The following SLIT1 variants were observed in gnomAD, a reference collection of about 807,000 sequenced individuals.
SLIT1 encodes slit homolog 1 protein.
SLIT1 carries 66 observed loss-of-function variants against 186.1 expected under a neutral mutation model. The observed-to-expected ratio is 0.35, with a 90% CI of 0.29 to 0.44. The LOEUF (loss-of-function observed/expected upper bound fraction) is 0.44, where lower values mean the gene tolerates loss of function less well. Among genes scored for constraint, SLIT1 ranks in the 20% least tolerant of loss-of-function variants. SLIT1 has a pLI of 1.00. For synonymous variants in SLIT1, 761 were observed against 833.8 expected, an observed-to-expected ratio of 0.91 and a Z score of 1.50; for missense variants, 1,638 against 2,037.4, an observed-to-expected ratio of 0.80 and a Z score of 3.77.
At position 97,018,847 on chromosome 10, in the gene SLIT1, T is replaced by TCATA. The variant is rs1466486761; in HGVS notation, c.2871+135_2871+136insTATG. 1.1e-5 allele frequency: 7 copies of TCATA among 650,904 alleles called. No homozygotes were observed. In the African/African-American group the frequency reaches 1.3e-4, roughly 12 times the overall value. 40.3% of individuals were successfully genotyped at this position (650,904 alleles called of 1,614,324 possible). Reference sequence around the variant, plus strand: ...TTCATTCATTCATTCATTCATTCATTCATTCATATGTTAAGTCATTAATTA... The same window carrying TCATA: ...TTCATTCATTCATTCATTCATTCATTCATACATTCATATGTTAAGTCATTAATTA... On this transcript the variant is annotated intron_variant, in intron 27 of 36. Coordinates refer to ENST00000266058, the MANE Select transcript of SLIT1 (RefSeq NM_003061.3).
In SLIT1 at chr10:97,079,176, G is replaced by A. The variant is rs7073931; in HGVS notation, c.414-13090C>T. Reference sequence around the variant, plus strand: ...TCACATCTCCCTCTTGCTGAGTTGCGAGGATTAAATACCATATGTACCACT... The same window carrying A: ...TCACATCTCCCTCTTGCTGAGTTGCAAGGATTAAATACCATATGTACCACT... On this transcript the variant is annotated intron_variant, in intron 4 of 36. Transcript: ENST00000266058. 6.0e-3 allele frequency among the ~76,000 whole-genome samples: 913 copies of A among 152,230 alleles called. 11 individuals carry two copies. The highest frequency in any genetic ancestry group is 0.021 in the African/African-American group (865 of 41,518).
chr10:97,047,233 G>A (rs1848742754), intron 16 of SLIT1, among the ~76,000 whole-genome samples, 168 bp from the exon 17 acceptor site: 1 of 152,174 alleles, frequency 6.6e-6, no homozygotes, highest in Admixed American at 6.5e-5. Context: ...ACTGGGAGAG[G>A]ATATGAATGG....
intron 12 of SLIT1, among the ~76,000 whole-genome samples, chr10:97,056,901 T>A (rs1262454813): frequency 6.6e-6 from 1 of 152,198 alleles, no homozygotes; most frequent in Non-Finnish European, 1.5e-5. Context: ...CGAGCTGGCC[T>A]GGGTGTCCCC....
chr10:97,182,242 A>T (rs1850348148), intron 1 of SLIT1, among the ~76,000 whole-genome samples: 1 of 152,140 alleles, frequency 6.6e-6, no homozygotes, highest in Admixed American at 6.5e-5. Context: ...ATTTCTTTCC[A>T]TTTCGGGGGA....
rs370246019 is a variant in SLIT1, at chr10:97,040,050, G to C, written c.2235C>G (p.Val745=). Residue 745 remains valine (V), a synonymous_variant, in exon 21 of 37, where the codon GTC becomes GTG. Transcript: ENST00000266058. ...CCCGCAGGTGCTTGTTGCTGCATCG[G>C]ACCACGGTGTCCAGGCAGGCGCACT... ...PQECACLDTV[V]RCSNKHLRAL... 18 of 1,612,820 alleles carry C rather than the reference G, an allele frequency of 1.1e-5. No individual in the cohort carries two copies. The highest frequency in any genetic ancestry group is 2.7e-5 in the African/African-American group (2 of 74,888).
In SLIT1 at chr10:97,163,453, TGGGGAAGCAAAGAGACAAGGACAGCTACA is replaced by T; in HGVS notation, c.270-31_270-3del. 6.2e-7 allele frequency: 1 copy of T among 1,613,856 alleles called. No homozygotes were observed. The highest frequency in any genetic ancestry group is 8.5e-7 in the Non-Finnish European group (1 of 1,179,726). On this transcript the variant is annotated splice_polypyrimidine_tract_variant and splice_region_variant and intron_variant, in intron 2 of 36. Coordinates refer to ENST00000266058, the MANE Select transcript of SLIT1 (RefSeq NM_003061.3). ...CCAATCTGGTTCTCCATCAGCTGCCTGGGGAAGCAAAGAGACAAGGACAGCTACAGGGTGTGGGACAAGGGCTGCTAGAA... is the reference window on the plus strand; with the variant it reads ...CCAATCTGGTTCTCCATCAGCTGCCTGGGTGTGGGACAAGGGCTGCTAGAA...
At chr10:97,105,166 G>A (rs1005458845) in intron 4 of SLIT1, among the ~76,000 whole-genome samples, 3 of 152,126 alleles carry the variant, frequency 2.0e-5, no homozygotes, top group African/African-American at 7.2e-5. Context: ...TAGAAAGAAG[G>A]GGGGCATGCT....
chr10:97,179,796 A>ACCCCCCCCCCCCCCCCCCCCC (rs1411663173), intron 1 of SLIT1, among the ~76,000 whole-genome samples: 6 of 102,992 alleles, frequency 5.8e-5, no homozygotes, highest in Admixed American at 1.0e-4. Context: ...AATTCTCCAC[A>ACCCCCCCCCCCCCCCCCCCCC]CCCTCCCCGC....
At chr10:97,162,658 T>C (rs892582862) in intron 3 of SLIT1, among the ~76,000 whole-genome samples, 1 of 152,096 alleles carries the variant, frequency 6.6e-6, no homozygotes, top group African/African-American at 2.4e-5. Flanking sequence ...TGATACATGA[T>C]TTTTAGCCAT....
intron 28 of SLIT1, among the ~76,000 whole-genome samples, chr10:97,017,887 TGCTCAGGC>T (rs1242945369): frequency 1.3e-5 from 2 of 151,572 alleles, no homozygotes; most frequent in Non-Finnish European, 2.9e-5. Context: ...TCGCTCTTGT[TGCTCAGGC>T]TGGAGTGCAG....
In SLIT1 at chr10:97,064,190, G is replaced by T; in HGVS notation, c.607C>A (p.His203Asn). ...CACAAGGTCCGTAGCTTGGGCATAT[G>T]GTTGAAGCTGGACACGGGGATGGTG... ...ITTIPVSSFNHMPKLRTFRLH... is the reference protein window; with the variant it reads ...ITTIPVSSFNNMPKLRTFRLH... The change falls in exon 7 of 37, where the codon CAT (histidine) becomes AAT (asparagine). Residue 203 changes from histidine (H) to asparagine (N), a missense_variant. Physicochemically the swap from His to Asn is moderately conservative, Grantham distance 68. Around this residue, in one of 3 missense-constraint regions of SLIT1, gnomAD observed 1,245 missense variants for 1,535.3 expected, o/e 0.81. Coordinates refer to ENST00000266058, the MANE Select transcript of SLIT1 (RefSeq NM_003061.3). 6.2e-7 allele frequency: 1 copy of T among 1,613,704 alleles called. No homozygotes were observed. Among genetic ancestry groups the T allele is most frequent in the African/African-American group, 1.3e-5 (1 of 75,030 alleles).
intron 13 of SLIT1, among the ~76,000 whole-genome samples, chr10:97,050,155 GA>G (rs199870066): frequency 1.3e-5 from 2 of 150,808 alleles, no homozygotes; most frequent in African/African-American, 4.9e-5. Context: ...TCTCGAAAAG[GA>G]AAAAAAAAGA....
chr10:97,037,042 C>A (rs1411743191), intron 22 of SLIT1, among the ~76,000 whole-genome samples: 1 of 147,340 alleles, frequency 6.8e-6, no homozygotes, highest in East Asian at 2.0e-4. Context: ...GCAAGAATAA[C>A]CCCCTTTGTG....
In SLIT1 at chr10:97,013,665, A is replaced by T; in HGVS notation, c.3203+76T>A. ...ACAAATGAGGGAATGAGGGTGGGGCACGGAGCCCAGACTGGAATCCAGTCT... is the reference window on the plus strand; with the variant it reads ...ACAAATGAGGGAATGAGGGTGGGGCTCGGAGCCCAGACTGGAATCCAGTCT... On this transcript the variant is annotated intron_variant, in intron 30 of 36. Transcript: ENST00000266058. The T allele has an allele frequency of 6.7e-6, 7 of 1,046,198 alleles. No individual in the cohort carries two copies. The South Asian group carries it at 9.5e-5, about 14-fold the overall frequency. The allele number at this position is 1,046,198 out of a possible 1,614,324, so 64.8% of individuals were successfully genotyped here. A position where few individuals can be genotyped will look rare whatever the true frequency, so the allele number is the denominator to read the frequency against.
intron 11 of SLIT1, chr10:97,058,092 C>T (rs1029250323): frequency 3.1e-5 from 22 of 716,668 alleles, no homozygotes; most frequent in African/African-American, 1.6e-4. Context: ...GGACAGGTGA[C>T]GGGGCCAGTG....
intron 4 of SLIT1, among the ~76,000 whole-genome samples, chr10:97,097,021 G>A (rs549827213): frequency 6.6e-6 from 1 of 152,124 alleles, no homozygotes; most frequent in South Asian, 2.1e-4. Context: ...TTTTTCTCAG[G>A]GATACTAGGA....
At chr10:97,035,318 T>C (rs1483330800) in intron 22 of SLIT1, among the ~76,000 whole-genome samples, 6 of 152,082 alleles carry the variant, frequency 3.9e-5, no homozygotes, top group Non-Finnish European at 1.5e-5. Flanking sequence ...GTGCTGACAG[T>C]GCCCCCCTCC....
At chr10:97,127,144 A>T (rs1057251759) in intron 4 of SLIT1, among the ~76,000 whole-genome samples, 10 of 151,812 alleles carry the variant, frequency 6.6e-5, no homozygotes, top group Non-Finnish European at 1.3e-4. Flanking sequence ...AAACAAAAAA[A>T]ATTAGCCGGG....
chr10:97,038,259 C>G (rs1848659286), intron 21 of SLIT1, among the ~76,000 whole-genome samples: 1 of 152,188 alleles, frequency 6.6e-6, no homozygotes, highest in Non-Finnish European at 1.5e-5. Flanking sequence ...CTTCCAGGCT[C>G]CGCACCCTGA....
Sources: gnomAD v4.1 joint callset for allele counts (sites outside exome capture counted in the v4.1 genomes callset) on GRCh38, gnomAD v4.1.1 for gene constraint, gnomAD v4.1.1 regional missense constraint, MANE v1.5 for transcripts, NCBI Gene and HGNC (gene_info 2026-07-23, HGNC 2026-07-21) for gene names.